MACROD2: variants seen among roughly 807,000 people sequenced by gnomAD.
MACROD2 encodes mono-ADP ribosylhydrolase 2.
MACROD2 carries 36 observed loss-of-function variants against 70.4 expected under a neutral mutation model. That is an observed-to-expected ratio of 0.51 (90% confidence interval 0.39 to 0.68). The LOEUF (loss-of-function observed/expected upper bound fraction) is 0.68. MACROD2 is among the 30% of genes least tolerant of loss of function. MACROD2 has a pLI of 0.00. For synonymous variants in MACROD2, 172 were observed against 178.8 expected (o/e 0.96, Z 0.30); for missense variants, 496 against 538.4 (o/e 0.92, Z 0.78).
At chr20:16,031,220 C>A in intron 15 of MACROD2, among the ~76,000 whole-genome samples, 1 of 151,774 alleles carries the variant, frequency 6.6e-6, no homozygotes, top group African/African-American at 2.4e-5. Context: ...TGACAAAAGA[C>A]AGGGAGGAGG....
At chr20:14,713,913 G>A (rs751827617) in intron 5 of MACROD2, among the ~76,000 whole-genome samples, 1 of 152,174 alleles carries the variant, frequency 6.6e-6, no homozygotes, top group African/African-American at 2.4e-5. Flanking sequence ...TAAGCTGGAG[G>A]GAAAGGATGG....
chr20:15,896,488 A>C (rs1306320395), intron 10 of MACROD2, among the ~76,000 whole-genome samples: 3 of 151,770 alleles, frequency 2.0e-5, no homozygotes, highest in African/African-American at 7.3e-5. Context: ...CAGACTGCAA[A>C]TGCTTCTTTA....
intron 5 of MACROD2, among the ~76,000 whole-genome samples, chr20:14,932,162 T>C (rs763660957): frequency 8.5e-5 from 13 of 152,146 alleles, no homozygotes; most frequent in African/African-American, 1.9e-4. Context: ...CTATTACTTA[T>C]ATAACCTTCC....
intron 3 of MACROD2, among the ~76,000 whole-genome samples, chr20:14,171,932 G>C (rs1285511462): frequency 6.6e-6 from 1 of 152,160 alleles, no homozygotes; most frequent in East Asian, 1.9e-4. Context: ...TGTCAGTAGA[G>C]TATTAAAGTC....
At chr20:15,811,427 G>C (rs2063820604) in intron 8 of MACROD2, among the ~76,000 whole-genome samples, 1 of 152,092 alleles carries the variant, frequency 6.6e-6, no homozygotes, top group Admixed American at 6.6e-5. Flanking sequence ...TCATTAAAAA[G>C]TCAGGAAACA....
intron 8 of MACROD2, among the ~76,000 whole-genome samples, chr20:15,571,297 T>G (rs1044080274): frequency 3.9e-5 from 6 of 152,124 alleles, no homozygotes; most frequent in Non-Finnish European, 8.8e-5. Context: ...GTCAAAGAGG[T>G]TGAGACAGAA....
intron 6 of MACROD2, among the ~76,000 whole-genome samples, chr20:15,344,014 G>A (rs919498159): frequency 6.6e-6 from 1 of 152,126 alleles, no homozygotes; most frequent in African/African-American, 2.4e-5. Flanking sequence ...ATGTGAGAAA[G>A]GAGCAGGAAT....
At chr20:14,833,669 T>TC (rs1209452447) in intron 5 of MACROD2, among the ~76,000 whole-genome samples, 1 of 152,116 alleles carries the variant, frequency 6.6e-6, no homozygotes, top group Non-Finnish European at 1.5e-5. Flanking sequence ...CTAATGTAGG[T>TC]ACTAGGACAA....
At chr20:14,531,929 G>A (rs527669170) in intron 4 of MACROD2, among the ~76,000 whole-genome samples, 7 of 152,234 alleles carry the variant, frequency 4.6e-5, no homozygotes, top group African/African-American at 1.7e-4. Flanking sequence ...CCTTATAAAA[G>A]CTGTGCTTCC....
chr20:15,762,200 A>G (rs2051446658), intron 8 of MACROD2, among the ~76,000 whole-genome samples: 1 of 152,186 alleles, frequency 6.6e-6, no homozygotes, highest in Non-Finnish European at 1.5e-5. Context: ...GGAGAATACT[A>G]CAGACTACTG....
At chr20:14,943,932 T>C (rs1205635429) in intron 5 of MACROD2, among the ~76,000 whole-genome samples, 1 of 152,186 alleles carries the variant, frequency 6.6e-6, no homozygotes, top group East Asian at 1.9e-4. Flanking sequence ...ATGTTTCTTT[T>C]TATTGTTGTC....
chr20:14,421,949 T>A (rs1408727433), intron 3 of MACROD2, among the ~76,000 whole-genome samples: 2 of 152,152 alleles, frequency 1.3e-5, no homozygotes, highest in Non-Finnish European at 2.9e-5. Context: ...TATTTTCTTA[T>A]TGATGTTCTG....
intron 7 of MACROD2, among the ~76,000 whole-genome samples, chr20:15,475,485 T>C (rs1391565853): frequency 6.6e-6 from 1 of 152,166 alleles, no homozygotes; most frequent in Non-Finnish European, 1.5e-5. Context: ...TCCAGGAAAA[T>C]CACATTCAGA....
intron 3 of MACROD2, chr20:14,337,283 G>GT (rs2082955843): frequency 1.9e-5 from 5 of 264,254 alleles, no homozygotes; most frequent in Non-Finnish European, 3.5e-5. Context: ...ATTGCTTGTT[G>GT]TGGTGACAGA....
intron 3 of MACROD2, among the ~76,000 whole-genome samples, chr20:14,144,093 A>C (rs1023343617): frequency 1.3e-5 from 2 of 152,228 alleles, no homozygotes; most frequent in African/African-American, 4.8e-5. Context: ...GTGAATGATC[A>C]TATACCAATG....
chr20:14,374,999 T>A (rs1454168944), intron 3 of MACROD2, among the ~76,000 whole-genome samples: 1 of 152,158 alleles, frequency 6.6e-6, no homozygotes, highest in African/African-American at 2.4e-5. Context: ...TATATCCAAA[T>A]ACCTTTATTT....
intron 6 of MACROD2, among the ~76,000 whole-genome samples, chr20:15,381,805 A>G (rs2045648224): frequency 6.6e-6 from 1 of 152,188 alleles, no homozygotes; most frequent in Non-Finnish European, 1.5e-5. Flanking sequence ...TGGACCAGAG[A>G]TGAGCCTCAC....
intron 5 of MACROD2, among the ~76,000 whole-genome samples, chr20:14,857,144 C>T (rs538347618): frequency 1.6e-4 from 25 of 152,242 alleles, no homozygotes; most frequent in Admixed American, 1.1e-3. Flanking sequence ...TCCCATAAAC[C>T]GTTATCCCTA....
intron 6 of MACROD2, among the ~76,000 whole-genome samples, chr20:15,284,633 G>C (rs1391597140): frequency 2.6e-5 from 4 of 152,112 alleles, no homozygotes; most frequent in African/African-American, 9.7e-5. Context: ...CCTGTCTAGG[G>C]ATTATCAGAG....
Sources: gnomAD v4.1 joint callset for allele counts (sites outside exome capture counted in the v4.1 genomes callset) on GRCh38, gnomAD v4.1.1 for gene constraint, MANE v1.5 for transcripts, NCBI Gene and HGNC (gene_info 2026-07-23, HGNC 2026-07-21) for gene names.